ZEB1: variants seen among roughly 807,000 people sequenced by gnomAD.
ZEB1 encodes the protein zinc finger E-box-binding homeobox 1.
ZEB1 carries 21 observed loss-of-function variants against 84.9 expected under a neutral mutation model. That is an observed-to-expected ratio of 0.25 (90% confidence interval 0.18 to 0.36). ZEB1 has a LOEUF of 0.36. ZEB1 is among the 10% of genes least tolerant of loss of function. ZEB1 has a pLI of 1.00. For missense variants in ZEB1, 1,104 were observed against 1,330.2 expected (o/e 0.83, Z 2.65); for synonymous variants, 420 against 471.1 (o/e 0.89, Z 1.41).
chr10:31,426,257 A>G (rs1404175429), intron 1 of ZEB1, among the ~76,000 whole-genome samples: 1 of 152,212 alleles, frequency 6.6e-6, no homozygotes, highest in Non-Finnish European at 1.5e-5. Flanking sequence ...GATTCAAGCT[A>G]TAAGTTGAAT....
At chr10:31,405,069 G>A (rs1441606659) in intron 1 of ZEB1, among the ~76,000 whole-genome samples, 1 of 152,150 alleles carries the variant, frequency 6.6e-6, no homozygotes, top group Non-Finnish European at 1.5e-5. Context: ...CTGTTCTGCA[G>A]ATGAGAAATA....
At chr10:31,371,348 A>G (rs559189475) in intron 1 of ZEB1, among the ~76,000 whole-genome samples, 2 of 152,224 alleles carry the variant, frequency 1.3e-5, no homozygotes, top group Non-Finnish European at 2.9e-5. Context: ...GTTGGAGGAG[A>G]TATCTCTGTG....
At chr10:31,413,223 G>A (rs905065183) in intron 1 of ZEB1, among the ~76,000 whole-genome samples, 36 of 152,076 alleles carry the variant, frequency 2.4e-4, no homozygotes, top group African/African-American at 8.2e-4. Context: ...ACATATAGAA[G>A]GATCTGCAAG....
At chr10:31,441,212 T>G (rs1480830458) in intron 1 of ZEB1, among the ~76,000 whole-genome samples, 1 of 152,188 alleles carries the variant, frequency 6.6e-6, no homozygotes, top group East Asian at 1.9e-4. Flanking sequence ...AACAGAGATA[T>G]AGACCAATGG....
At chr10:31,445,541 T>C (rs1591355859) in intron 1 of ZEB1, among the ~76,000 whole-genome samples, 1 of 152,072 alleles carries the variant, frequency 6.6e-6, no homozygotes, top group East Asian at 1.9e-4. Context: ...AGTATGATAT[T>C]GGCTGTGGGT....
intron 1 of ZEB1, 200 bp downstream of exon 1, chr10:31,319,492 C>G (rs1300840286): frequency 6.5e-6 from 4 of 611,188 alleles, no homozygotes; most frequent in East Asian, 5.6e-5. Context: ...CGCTCGCTCT[C>G]CCTGAACCGT....
intron 1 of ZEB1, among the ~76,000 whole-genome samples, chr10:31,331,386 C>T (rs776991481): frequency 3.3e-5 from 5 of 151,914 alleles, no homozygotes; most frequent in African/African-American, 4.8e-5. Context: ...ACGCCTGGCC[C>T]GAAGTGTTAA....
At chr10:31,471,888 G>T (rs1479960531) in intron 2 of ZEB1, among the ~76,000 whole-genome samples, 2 of 144,420 alleles carry the variant, frequency 1.4e-5, no homozygotes, top group East Asian at 3.9e-4. Flanking sequence ...AATCAAACTA[G>T]AACTCAGGAT....
rs1177586546 is a variant in ZEB1 at position 31,363,051 on chromosome 10, C to G, written c.58+43759C>G. Reference sequence around the variant, plus strand: ...GTTGCAGGGGAGGGGTCGGTTGCAGCTGCAGCGGTGGCCCCGACAGTTTTC... The same window carrying G: ...GTTGCAGGGGAGGGGTCGGTTGCAGGTGCAGCGGTGGCCCCGACAGTTTTC... On this transcript the variant is annotated intron_variant, in intron 1 of 8. Coordinates refer to ENST00000424869, the MANE Select transcript of ZEB1 (RefSeq NM_001174096.2). The G allele has an allele frequency of 5.2e-6, 8 of 1,533,874 alleles. No homozygotes were observed. The African/African-American group carries it at 5.5e-5, about 11-fold the overall frequency.
At chr10:31,423,032 T>C (rs1003581074) in intron 1 of ZEB1, among the ~76,000 whole-genome samples, 9 of 152,102 alleles carry the variant, frequency 5.9e-5, no homozygotes, top group Admixed American at 5.2e-4. Context: ...TAGCATTTCA[T>C]GGTGTGTGTG....
At chr10:31,341,128 T>C (rs1234410604) in intron 1 of ZEB1, among the ~76,000 whole-genome samples, 2 of 152,042 alleles carry the variant, frequency 1.3e-5, no homozygotes, top group South Asian at 4.1e-4. Flanking sequence ...GGGGCCCAAT[T>C]TGATTGTATT....
At chr10:31,444,882 G>A (rs982590582) in intron 1 of ZEB1, among the ~76,000 whole-genome samples, 1 of 152,028 alleles carries the variant, frequency 6.6e-6, no homozygotes, top group Non-Finnish European at 1.5e-5. Context: ...GCTTAGGATT[G>A]ACTTGGCGAT....
At chr10:31,401,470 G>A (rs1387873393) in intron 1 of ZEB1, among the ~76,000 whole-genome samples, 1 of 152,058 alleles carries the variant, frequency 6.6e-6, no homozygotes. Flanking sequence ...ACAGAAGCAC[G>A]GTGAACTGAA....
chr10:31,346,125 T>C (rs1483594353), intron 1 of ZEB1, among the ~76,000 whole-genome samples: 1 of 152,148 alleles, frequency 6.6e-6, no homozygotes, highest in Non-Finnish European at 1.5e-5. Context: ...GTAGGGAGTT[T>C]ATAGGGAAGC....
Position 31,520,287 on chromosome 10 carries a change from G to A in ZEB1, c.955G>A (p.Ala319Thr). The A allele has an allele frequency of 6.2e-7, 1 of 1,613,936 alleles. No individual in the cohort carries two copies. Among genetic ancestry groups the A allele is most frequent in the Non-Finnish European group, 8.5e-7 (1 of 1,179,902 alleles). The change falls in exon 7 of 9, where the codon GCA becomes ACA. Residue 319 changes from alanine (A) to threonine (T), a missense_variant. Transcript: ENST00000424869. The surrounding 1 kb of genome is among the most constrained non-coding windows in gnomAD (Gnocchi z 5.1). ...TCAGTGTTCTTCACCGTCTCTTTCA[G>A]CATCACCAGGCAGTCCCACACGACC... ...TSQCSSPSLS[A>T]SPGSPTRPQI... is the part of the protein sequence containing the mutation.
At chr10:31,364,216 C>T (rs1349517776) in intron 1 of ZEB1, among the ~76,000 whole-genome samples, 2 of 152,230 alleles carry the variant, frequency 1.3e-5, no homozygotes, top group East Asian at 3.9e-4. Context: ...AGGAGCCCAG[C>T]GAGGGTGCCT....
At chr10:31,367,536 G>T (rs988407373) in intron 1 of ZEB1, among the ~76,000 whole-genome samples, 1 of 152,162 alleles carries the variant, frequency 6.6e-6, no homozygotes, top group South Asian at 2.1e-4. Context: ...AGCCTATGTG[G>T]TAATACGCTA....
chr10:31,469,620 G>A lies in ZEB1; in HGVS notation c.259+8383G>A, dbSNP rs180913457. On this transcript the variant is annotated intron_variant, in intron 2 of 8. Transcript: ENST00000424869. ...CAGTCTGAGATCAAACTGCAAGGCAGCAGCGAGGCTGGGGGAGGGGCGCCC... is the reference window on the plus strand; with the variant it reads ...CAGTCTGAGATCAAACTGCAAGGCAACAGCGAGGCTGGGGGAGGGGCGCCC... 5.0e-3 allele frequency among the ~76,000 whole-genome samples: 761 copies of A among 152,360 alleles called. 11 individuals carry two copies. The highest frequency in any genetic ancestry group is 0.017 in the African/African-American group (712 of 41,594).
rs1223493735 is a variant in ZEB1, at chr10:31,502,457, T to C, written c.432T>C (p.Pro144=). 6.2e-7 allele frequency: 1 copy of C among 1,613,912 alleles called. No individual in the cohort carries two copies. The highest frequency in any genetic ancestry group is 2.2e-5 in the East Asian group (1 of 44,870). Reference sequence around the variant, plus strand: ...CTGCTGTCATTTTTCCTGAGGCACCTGAAGAGGACCAGAGGCAGGGCACAC... The same window carrying C: ...CTGCTGTCATTTTTCCTGAGGCACCCGAAGAGGACCAGAGGCAGGGCACAC... ...QDTAVIFPEA[P]EEDQRQGTPE... is the part of the protein sequence containing the mutation. Residue 144 remains proline, a synonymous_variant, in exon 4 of 9, where the codon CCT becomes CCC. Coordinates refer to ENST00000424869, the MANE Select transcript of ZEB1 (RefSeq NM_001174096.2).
Sources: gnomAD v4.1 joint callset for allele counts (sites outside exome capture counted in the v4.1 genomes callset) on GRCh38, gnomAD v4.1.1 for gene constraint, Gnocchi (gnomAD v3.1) non-coding constraint, MANE v1.5 for transcripts, NCBI Gene and HGNC (gene_info 2026-07-23, HGNC 2026-07-21) for gene names.